DMD: variants seen among roughly 807,000 people sequenced by gnomAD.
DMD encodes the protein dystrophin, also known as mutant dystrophin.
DMD carries 63 observed loss-of-function variants against 330.1 expected under a neutral mutation model. The observed-to-expected ratio is 0.19, with a 90% CI of 0.16 to 0.24. DMD has a LOEUF of 0.24. Among genes scored for constraint, DMD ranks in the 10% least tolerant of loss-of-function variants. The pLI, the probability that DMD is intolerant of heterozygous loss-of-function variation, is 1.00. For missense variants in DMD, 3,344 were observed against 2,684.1 expected (o/e 1.25, Z -5.43); for synonymous variants, 1,223 against 959.8 (o/e 1.27, Z -5.07).
intron 55 of DMD, among the ~76,000 whole-genome samples, chrX:31,553,983 A>G (rs1205611513): frequency 8.9e-6 from 1 of 112,725 alleles, no homozygotes; most frequent in African/African-American, 3.2e-5. Flanking sequence ...ACATATTTAC[A>G]TAAAATGTAG....
intron 1 of DMD, among the ~76,000 whole-genome samples, chrX:33,139,884 A>AAT (rs2047710332): frequency 2.1e-5 from 2 of 94,006 alleles, no homozygotes; most frequent in Non-Finnish European, 2.1e-5. Flanking sequence ...AAAAAAAAAA[A>AAT]AAAAAAAAAA....
At chrX:32,303,381 G>GA (rs2097530028) in intron 42 of DMD, among the ~76,000 whole-genome samples, 1 of 110,283 alleles carries the variant, frequency 9.1e-6, no homozygotes, top group African/African-American at 3.3e-5. Context: ...AGTGGTGGAG[G>GA]AAAAAAACAA....
chrX:31,341,884 C>CGCGCGTGCGT (rs1396483947), intron 61 of DMD, among the ~76,000 whole-genome samples: 7 of 70,968 alleles, frequency 9.9e-5, no homozygotes, highest in African/African-American at 4.1e-4. Flanking sequence ...CGCGTGCGTG[C>CGCGCGTGCGT]GCGCGCGCAC....
In DMD at chrX:31,198,023, T is replaced by TAAAA. The variant is rs61065027; in HGVS notation, c.9807+5934_9807+5937dup. On this transcript the variant is annotated intron_variant, in intron 67 of 78. Transcript: ENST00000357033. ...CATGTTCTCACTCATGTGTGGGAGC[T>TAAAA]AAAAAAAAAAAAAAAAAAAAAAATT... Among the ~76,000 whole-genome samples the TAAAA allele has an allele frequency of 3.1e-4, 20 of 64,870 alleles. 1 individual carries two copies. The highest frequency in any genetic ancestry group is 2.5e-3 in the Admixed American group (12 of 4,790). 56.3% of individuals were successfully genotyped at this position (64,870 alleles called of 115,157 possible). A position where few individuals can be genotyped will look rare whatever the true frequency, so the allele number is the denominator to read the frequency against.
At chrX:32,249,050 CTTAG>C (rs72371271) in intron 43 of DMD, among the ~76,000 whole-genome samples, 2,166 of 110,882 alleles carry the variant, frequency 0.02, 48 homozygotes, top group African/African-American at 0.068. Flanking sequence ...AAGGCCAATT[CTTAG>C]TTAGACATTA....
chrX:32,149,843 A>C (rs2096795886), intron 44 of DMD, among the ~76,000 whole-genome samples: 1 of 112,098 alleles, frequency 8.9e-6, no homozygotes, highest in South Asian at 3.7e-4. Flanking sequence ...TGGTAAGGGA[A>C]AATGAAGTGA....
intron 2 of DMD, among the ~76,000 whole-genome samples, chrX:32,920,340 T>A (rs1327559984): frequency 8.9e-6 from 1 of 111,884 alleles, no homozygotes; most frequent in Non-Finnish European, 1.9e-5. Flanking sequence ...TCAAATACAC[T>A]CTGGATGCAT....
At chrX:32,656,755 A>G (rs924445954) in intron 9 of DMD, among the ~76,000 whole-genome samples, 1 of 111,807 alleles carries the variant, frequency 8.9e-6, no homozygotes, top group African/African-American at 3.3e-5. Context: ...CCCGTGCCTA[A>G]CAGCACAGTA....
chrX:33,222,256 C>A (rs1471142339), intron 1 of DMD, among the ~76,000 whole-genome samples: 2 of 111,768 alleles, frequency 1.8e-5, no homozygotes, highest in Non-Finnish European at 3.8e-5. Flanking sequence ...AAATTAGTCA[C>A]TACAATCTAC....
rs111973319 is a variant in DMD, at chrX:32,332,413, A to AGTGTGTGTGTGTGTGTGTGT, written c.5922+9667_5922+9686dup. ...ATAAATGAGGAAAGCATGGATAAAAAGTGTGTGTGTGTGTGTGTGTGTGTG... is the reference window on the plus strand; with the variant it reads ...ATAAATGAGGAAAGCATGGATAAAAAGTGTGTGTGTGTGTGTGTGTGTGTGTGTGTGTGTGTGTGTGTGTG... On this transcript the variant is annotated intron_variant, in intron 41 of 78. Coordinates refer to ENST00000357033, the MANE Select transcript of DMD (RefSeq NM_004006.3). Among the ~76,000 whole-genome samples, 185 of 95,344 alleles carry AGTGTGTGTGTGTGTGTGTGT rather than the reference A, an allele frequency of 1.9e-3. 1 individual carries two copies. The highest frequency in any genetic ancestry group is 4.9e-3 in the African/African-American group (126 of 25,490). 82.8% of individuals were successfully genotyped at this position (95,344 alleles called of 115,157 possible).
At chrX:31,641,932 T>C (rs944814822) in intron 54 of DMD, among the ~76,000 whole-genome samples, 4 of 111,504 alleles carry the variant, frequency 3.6e-5, no homozygotes, top group Admixed American at 9.5e-5. Context: ...ATAATGTTAT[T>C]ACTTCTCGGT....
At chrX:31,167,354 A>G in intron 74 of DMD, among the ~76,000 whole-genome samples, 1 of 111,646 alleles carries the variant, frequency 9.0e-6, no homozygotes, top group Middle Eastern at 4.6e-3. Flanking sequence ...TGCACTCAAA[A>G]TGATAAAATG....
chrX:31,302,303 T>G (rs1015022884), intron 62 of DMD, among the ~76,000 whole-genome samples: 2 of 111,762 alleles, frequency 1.8e-5, no homozygotes, highest in African/African-American at 6.5e-5. Flanking sequence ...GTAACAGTTG[T>G]TGGAACTATC....
rs2046006803 is a variant in DMD, at chrX:32,517,843, A to C, written c.2292+165T>G. 8.6e-6 allele frequency: 5 copies of C among 583,854 alleles called. No individual in the cohort carries two copies. In the South Asian group the frequency reaches 1.2e-4, roughly 14 times the overall value. 48.1% of individuals were successfully genotyped at this position (583,854 alleles called of 1,213,427 possible). A position where few individuals can be genotyped will look rare whatever the true frequency, so the allele number is the denominator to read the frequency against. ...GAATCCAGAAAGATTTCTCTAGGCT[A>C]AACTTTGATTTTGCTTGCTATCTAA... On this transcript the variant is annotated intron_variant, in intron 18 of 78. Coordinates refer to ENST00000357033, the MANE Select transcript of DMD (RefSeq NM_004006.3).
intron 74 of DMD, among the ~76,000 whole-genome samples, chrX:31,161,017 T>C (rs751056186): frequency 2.7e-5 from 3 of 111,844 alleles, no homozygotes; most frequent in African/African-American, 9.7e-5. Flanking sequence ...CTTAATACTC[T>C]GTGCCACGTA....
intron 60 of DMD, among the ~76,000 whole-genome samples, chrX:31,378,814 C>T (rs752816717): frequency 4.7e-3 from 517 of 110,261 alleles, no homozygotes; most frequent in Non-Finnish European, 7.7e-3. Flanking sequence ...TTAGCCTGTG[C>T]TCTCAAGAAC....
intron 62 of DMD, among the ~76,000 whole-genome samples, chrX:31,311,238 G>T (rs932128346): frequency 1.8e-5 from 2 of 109,554 alleles, no homozygotes; most frequent in Admixed American, 9.8e-5. Flanking sequence ...AGGATGAGAC[G>T]ATCTGTTCTG....
chrX:32,448,421 C>A (rs766334334), intron 27 of DMD, 35 bp downstream of exon 27: 8 of 1,192,693 alleles, frequency 6.7e-6, no homozygotes, highest in Non-Finnish European at 6.8e-6. Context: ...CATGTATTGA[C>A]ATATCATTGA....
intron 1 of DMD, among the ~76,000 whole-genome samples, chrX:33,107,554 A>C (rs950756263): frequency 9.0e-6 from 1 of 111,271 alleles, no homozygotes; most frequent in Admixed American, 9.7e-5. Context: ...CAACAGAACT[A>C]ATACTTAAGT....
Sources: gnomAD v4.1 joint callset for allele counts (sites outside exome capture counted in the v4.1 genomes callset) on GRCh38, gnomAD v4.1.1 for gene constraint, MANE v1.5 for transcripts, NCBI Gene and HGNC (gene_info 2026-07-23, HGNC 2026-07-21) for gene names.